Variants in CMTM4 observed in about 807,000 individuals in gnomAD.
CMTM4 encodes CKLF like MARVEL transmembrane domain containing 4.
A neutral mutation model predicts 19.0 loss-of-function variants in CMTM4; 8 were observed. That is an observed-to-expected ratio of 0.42 (90% CI 0.25 to 0.76). CMTM4 has a LOEUF of 0.76. CMTM4 is among the 30% of genes least tolerant of loss of function. The probability of loss-of-function intolerance (pLI) is 0.27; values close to 1 mark genes in which losing one functional copy is unlikely to be tolerated. For missense variants in CMTM4, 228 were observed against 290.2 expected (o/e 0.79, Z 1.56); for synonymous variants, 106 against 121.1 (o/e 0.88, Z 0.82).
chr16:66,663,259 T>A (rs1247601506), intron 1 of CMTM4, among the ~76,000 whole-genome samples: 1 of 152,122 alleles, frequency 6.6e-6, no homozygotes, highest in Non-Finnish European at 1.5e-5. Context: ...AAAATCTCAA[T>A]TCATATGGAA....
In CMTM4 at chr16:66,620,573, C is replaced by T. The variant is rs531716021; in HGVS notation, c.*1485G>A. 895 of 985,548 alleles carry T rather than the reference C, an allele frequency of 9.1e-4. No homozygotes were observed. Among genetic ancestry groups the T allele is most frequent in the Admixed American group, 2.6e-3 (42 of 16,290 alleles). The allele number at this position is 985,548 out of a possible 1,614,324, so 61.1% of individuals were successfully genotyped here. On this transcript the variant is annotated 3_prime_UTR_variant, in exon 4 of 4. Transcript: ENST00000394106. ...GTCCATAAGGTGACGCTTTCTTGCACAGACCCCCCGCCGCCCCCTCGGAGT... is the reference window on the plus strand; with the variant it reads ...GTCCATAAGGTGACGCTTTCTTGCATAGACCCCCCGCCGCCCCCTCGGAGT...
chr16:66,646,998 C>T (rs1450973023), intron 1 of CMTM4, among the ~76,000 whole-genome samples: 14 of 151,870 alleles, frequency 9.2e-5, no homozygotes, highest in African/African-American at 3.4e-4. Flanking sequence ...TGACCCACCA[C>T]GCCCAGCCTG....
chr16:66,651,641 T>C (rs930145846), intron 1 of CMTM4, among the ~76,000 whole-genome samples: 2 of 152,200 alleles, frequency 1.3e-5, no homozygotes, highest in African/African-American at 4.8e-5. Context: ...AAAATCACCA[T>C]GTATGATTTC....
At chr16:66,678,631 G>A (rs2016850481) in intron 1 of CMTM4, among the ~76,000 whole-genome samples, 1 of 152,140 alleles carries the variant, frequency 6.6e-6, no homozygotes, top group African/African-American at 2.4e-5. Context: ...TCTGTCTGGT[G>A]GAGAGACAAT....
rs182074426 is a variant in CMTM4, at chr16:66,657,171, G to A, written c.187-20590C>T. ...GTGATCTCAGCTCACTGCAACCTCC[G>A]CCTCCCAGGTTCATGCGGTTCTCCT... On this transcript the variant is annotated intron_variant, in intron 1 of 3. Transcript: ENST00000394106. Among the ~76,000 whole-genome samples, 5 of 148,154 alleles carry A rather than the reference G, an allele frequency of 3.4e-5. No individual in the cohort carries two copies. In the East Asian group the frequency reaches 6.0e-4, roughly 18 times the overall value.
In CMTM4 at chr16:66,616,816, C is replaced by T. The variant is rs355942; in HGVS notation, c.*5242G>A. The T allele has an allele frequency of 0.049, 7,476 of 153,858 alleles. 303 individuals carry two copies. The highest frequency in any genetic ancestry group is 0.11 in the Admixed American group (1,760 of 15,440). 9.5% of individuals were successfully genotyped at this position (153,858 alleles called of 1,614,324 possible). A position where few individuals can be genotyped will look rare whatever the true frequency, so the allele number is the denominator to read the frequency against. ...TCACCATCCCTACGCGTCTCCTCACCATCCCTACGCGTGACTGACTTTCCT... is the reference window on the plus strand; with the variant it reads ...TCACCATCCCTACGCGTCTCCTCACTATCCCTACGCGTGACTGACTTTCCT... On this transcript the variant is annotated 3_prime_UTR_variant, in exon 4 of 4. Transcript: ENST00000394106.
the CMTM4 span, among the ~76,000 whole-genome samples, chr16:66,598,611 G>T: frequency 6.6e-6 from 1 of 152,224 alleles, no homozygotes; most frequent in East Asian, 1.9e-4. Context: ...TCTGATTTCT[G>T]TTACTGTAGC....
chr16:66,637,499 G>A (rs1026989580), intron 1 of CMTM4, among the ~76,000 whole-genome samples: 1 of 152,042 alleles, frequency 6.6e-6, no homozygotes, highest in South Asian at 2.1e-4. Context: ...AGCTGAGATC[G>A]CGCCATTGCA....
intron 1 of CMTM4, among the ~76,000 whole-genome samples, chr16:66,680,851 T>C (rs2016901975): frequency 6.6e-6 from 1 of 151,652 alleles, no homozygotes; most frequent in Non-Finnish European, 1.5e-5. Flanking sequence ...GTTATGTCCT[T>C]TCCATCTCCA....
chr16:66,612,530 G>GC (rs1418149858), downstream of CMTM4: 4 of 1,482,578 alleles, frequency 2.7e-6, no homozygotes, highest in Non-Finnish European at 3.7e-6. This position sits in a 1 kb window ranked among gnomAD's most constrained non-coding sequence, Gnocchi z 6.0. Context: ...CAGCAACCCA[G>GC]CTGTGCTTCC....
chr16:66,600,610 C>T, the CMTM4 span, among the ~76,000 whole-genome samples: 49 of 151,926 alleles, frequency 3.2e-4, no homozygotes, highest in African/African-American at 1.1e-3. Flanking sequence ...CTTCCCCCAC[C>T]CTTCCCCCCA....
the CMTM4 span, chr16:66,604,874 G>A: frequency 1.4e-6 from 2 of 1,412,604 alleles, no homozygotes; most frequent in South Asian, 3.0e-5. Flanking sequence ...CCGGCCCCGC[G>A]GTCCCCGGGC....
chr16:66,609,435 G>T, the CMTM4 span: 1 of 1,612,424 alleles, frequency 6.2e-7, no homozygotes, highest in East Asian at 2.2e-5. The surrounding 1 kb of genome is among the most constrained non-coding windows in gnomAD (Gnocchi z 4.4). Flanking sequence ...CTCTCCCCAG[G>T]ACTTCCTGCG....
intron 1 of CMTM4, among the ~76,000 whole-genome samples, chr16:66,648,073 C>T (rs975480022): frequency 6.6e-6 from 1 of 152,204 alleles, no homozygotes; most frequent in Non-Finnish European, 1.5e-5. Context: ...GCACCTTCCC[C>T]GCATCCTTTG....
intron 2 of CMTM4, among the ~76,000 whole-genome samples, chr16:66,630,293 TCTCCCCCTCCCCCTCACC>T (rs2015824648): frequency 1.5e-5 from 1 of 67,948 alleles, no homozygotes; most frequent in Non-Finnish European, 2.9e-5. Context: ...TCCCTCTCCC[TCTCCCCCTCCCCCTCACC>T]CTCCCCCTCC....
intron 1 of CMTM4, among the ~76,000 whole-genome samples, chr16:66,665,671 G>C (rs2016579024): frequency 6.6e-6 from 1 of 152,140 alleles, no homozygotes; most frequent in South Asian, 2.1e-4. Flanking sequence ...TTGAACCCAG[G>C]AGGCTGAGAC....
At chr16:66,598,974 T>A in the CMTM4 span, among the ~76,000 whole-genome samples, 3 of 151,554 alleles carry the variant, frequency 2.0e-5, no homozygotes, top group African/African-American at 7.3e-5. Context: ...ATCTCTAAAT[T>A]AAAAATTAAG....
chr16:66,637,181 A>G (rs2016008561), intron 1 of CMTM4, among the ~76,000 whole-genome samples: 1 of 152,254 alleles, frequency 6.6e-6, no homozygotes, highest in Admixed American at 6.5e-5. Flanking sequence ...TTTAAAAAAT[A>G]TATTTTTTGA....
At position 66,619,221 on chromosome 16, in the gene CMTM4, C is replaced by G. The variant is rs2015582891; in HGVS notation, c.*2837G>C. 3.0e-6 allele frequency: 3 copies of G among 985,378 alleles called. No individual in the cohort carries two copies. Among genetic ancestry groups the G allele is most frequent in the Non-Finnish European group, 3.6e-6 (3 of 829,930 alleles). The allele number at this position is 985,378 out of a possible 1,614,324, so 61.0% of individuals were successfully genotyped here. On this transcript the variant is annotated 3_prime_UTR_variant, in exon 4 of 4. Transcript: ENST00000394106. ...GTGAAAGAAGGATATCAAAGAGAAT[C>G]AGAGGGAAAAAATACCAAATCCACC...
Sources: allele counts gnomAD v4.1 joint callset (sites outside exome capture counted in the v4.1 genomes callset), GRCh38; gene constraint gnomAD v4.1.1; non-coding constraint Gnocchi (gnomAD v3.1); transcripts MANE v1.5; gene names NCBI Gene and HGNC (gene_info 2026-07-23, HGNC 2026-07-21).